DPH6: variants seen among roughly 807,000 people sequenced by gnomAD.
DPH6 encodes diphthine--ammonia ligase.
In DPH6, 33 loss-of-function variants were observed where a neutral mutation model predicts 38.2. That is an observed-to-expected ratio of 0.86 (90% confidence interval 0.65 to 1.15). The LOEUF is 1.15. Ranked by LOEUF, DPH6 falls within the 50% of genes most tolerant of loss-of-function variation. DPH6 has a pLI of 0.00. For synonymous variants in DPH6, 108 were observed against 103.0 expected (o/e 1.05, Z -0.30); for missense variants, 325 against 320.0 (o/e 1.02, Z -0.12).
chr15:35,381,533 A>G (rs1231106581), intron 7 of DPH6, among the ~76,000 whole-genome samples: 5 of 152,218 alleles, frequency 3.3e-5, no homozygotes, highest in Non-Finnish European at 7.3e-5. Flanking sequence ...CACTTCATGA[A>G]AGGATAAAAG....
chr15:35,542,364 T>G, intron 2 of DPH6, 49 bp downstream of exon 2: 1 of 1,444,086 alleles, frequency 6.9e-7, no homozygotes, highest in Non-Finnish European at 9.6e-7. Flanking sequence ...AATTATGAAG[T>G]TGGAATTTCA....
chr15:35,337,563 T>G (rs1186971014), intron 3 of DPH6, among the ~76,000 whole-genome samples: 1 of 152,178 alleles, frequency 6.6e-6, no homozygotes, highest in African/African-American at 2.4e-5. Flanking sequence ...TATTCCATGC[T>G]CATGGGTAGG....
At chr15:35,510,348 G>C (rs953988104) in intron 3 of DPH6, among the ~76,000 whole-genome samples, 16 of 152,154 alleles carry the variant, frequency 1.1e-4, no homozygotes, top group Admixed American at 7.2e-4. Context: ...TCACTATGCA[G>C]GTTCTGACAT....
chr15:35,481,456 T>C (rs1433087065), intron 3 of DPH6, among the ~76,000 whole-genome samples: 5 of 152,292 alleles, frequency 3.3e-5, no homozygotes, highest in Non-Finnish European at 5.9e-5. Context: ...GAAACTTCTT[T>C]GGATCTTGAT....
At chr15:35,500,672 T>C (rs891066138) in intron 3 of DPH6, among the ~76,000 whole-genome samples, 16 of 152,204 alleles carry the variant, frequency 1.1e-4, no homozygotes, top group African/African-American at 3.9e-4. Flanking sequence ...ACATGGCCAC[T>C]CACGTGATAT....
downstream of DPH6, among the ~76,000 whole-genome samples, chr15:35,369,264 A>T (rs2052688861): frequency 6.6e-6 from 1 of 151,804 alleles, no homozygotes; most frequent in Non-Finnish European, 1.5e-5. Flanking sequence ...AGCAAATGAA[A>T]ACTGATGGAA....
intron 5 of DPH6, among the ~76,000 whole-genome samples, chr15:35,429,780 A>C (rs934672330): frequency 6.6e-6 from 1 of 152,132 alleles, no homozygotes; most frequent in Non-Finnish European, 1.5e-5. Flanking sequence ...ATCAAACAGA[A>C]TTCAATATTG....
chr15:35,532,256 A>G (rs1469510296), intron 3 of DPH6, among the ~76,000 whole-genome samples: 2 of 152,190 alleles, frequency 1.3e-5, no homozygotes, highest in African/African-American at 4.8e-5. Context: ...TTTGGACTAT[A>G]TCTTAATCAT....
At chr15:35,339,347 T>C (rs528914180) in intron 3 of DPH6, among the ~76,000 whole-genome samples, 5 of 151,508 alleles carry the variant, frequency 3.3e-5, no homozygotes, top group African/African-American at 7.3e-5. Flanking sequence ...TTATTTGAGA[T>C]GGAGTTTCGC....
chr15:35,264,354 C>T (rs576641226), intron 3 of DPH6, among the ~76,000 whole-genome samples: 2 of 152,210 alleles, frequency 1.3e-5, no homozygotes, highest in East Asian at 1.9e-4. Flanking sequence ...TACTCTTCCT[C>T]TTCATTATTT....
chr15:35,494,987 G>C (rs1209605500), intron 3 of DPH6, among the ~76,000 whole-genome samples: 1 of 152,080 alleles, frequency 6.6e-6, no homozygotes, highest in Non-Finnish European at 1.5e-5. Flanking sequence ...ACAATTAATA[G>C]ATACACTTTT....
chr15:35,153,638 G>A, the DPH6 span, among the ~76,000 whole-genome samples: 1 of 152,070 alleles, frequency 6.6e-6, no homozygotes, highest in Non-Finnish European at 1.5e-5. Context: ...TTGACCCTTG[G>A]AACTGTGAAG....
chr15:35,305,460 C>T (rs894234737), intron 3 of DPH6, among the ~76,000 whole-genome samples: 2 of 151,890 alleles, frequency 1.3e-5, no homozygotes, highest in African/African-American at 4.8e-5. Flanking sequence ...ATTCAAACCA[C>T]TTTAGTTTTC....
chr15:35,258,021 G>A (rs1455050383), intron 3 of DPH6, among the ~76,000 whole-genome samples: 1 of 152,092 alleles, frequency 6.6e-6, no homozygotes, highest in Non-Finnish European at 1.5e-5. Flanking sequence ...CTTTCCTGTA[G>A]AACATCATGG....
intron 3 of DPH6, among the ~76,000 whole-genome samples, chr15:35,459,402 T>A (rs1168665405): frequency 6.6e-6 from 1 of 152,126 alleles, no homozygotes; most frequent in African/African-American, 2.4e-5. Context: ...AACCTAATTA[T>A]CTCCCAAAGG....
chr15:35,491,548 T>C (rs905510805), intron 3 of DPH6, among the ~76,000 whole-genome samples: 1 of 137,746 alleles, frequency 7.3e-6, no homozygotes, highest in East Asian at 2.2e-4. Flanking sequence ...CCAATAGGTG[T>C]ACACACACAC....
At chr15:35,194,397 T>TAGAG in the DPH6 span, among the ~76,000 whole-genome samples, 10 of 124,994 alleles carry the variant, frequency 8.0e-5, no homozygotes, top group African/African-American at 2.9e-4. Context: ...GAGAGAGAGA[T>TAGAG]AGAGAGAGAG....
chr15:35,345,632 C>G (rs1009727509), intron 3 of DPH6, among the ~76,000 whole-genome samples: 1 of 151,778 alleles, frequency 6.6e-6, no homozygotes, highest in Non-Finnish European at 1.5e-5. Context: ...AGATACTACT[C>G]GATAATTTTT....
intron 3 of DPH6, among the ~76,000 whole-genome samples, chr15:35,490,560 G>A (rs1272073041): frequency 6.6e-6 from 1 of 152,134 alleles, no homozygotes; most frequent in East Asian, 1.9e-4. Flanking sequence ...TTCTGAGATA[G>A]CCTCCTGGGA....
Sources: gnomAD v4.1 joint callset for allele counts (sites outside exome capture counted in the v4.1 genomes callset) on GRCh38, gnomAD v4.1.1 for gene constraint, MANE v1.5 for transcripts, NCBI Gene and HGNC (gene_info 2026-07-23, HGNC 2026-07-21) for gene names.